Variants in PLEKHM3 observed in about 807,000 individuals in gnomAD.
PLEKHM3 encodes pleckstrin homology domain containing M3, also known as pleckstrin homology domain-containing family M member 3.
In PLEKHM3, 45 loss-of-function variants were observed where a neutral mutation model predicts 81.8. The observed-to-expected ratio is 0.55, with a 90% confidence interval of 0.43 to 0.71. PLEKHM3 has a LOEUF of 0.71. Among genes scored for constraint, PLEKHM3 ranks in the 30% least tolerant of loss-of-function variants. PLEKHM3 has a pLI of 0.00. For missense variants in PLEKHM3, 788 were observed against 924.3 expected, an observed-to-expected ratio of 0.85 and a Z score of 1.91; for synonymous variants, 352 against 356.4, an observed-to-expected ratio of 0.99 and a Z score of 0.14.
intron 5 of PLEKHM3, among the ~76,000 whole-genome samples, chr2:207,925,201 T>C (rs571094382): frequency 9.9e-5 from 15 of 151,732 alleles, no homozygotes; most frequent in Middle Eastern, 6.8e-3. Flanking sequence ...ATGACATTAA[T>C]TAAATATGCT....
At chr2:207,959,827 T>C (rs1034631425) in intron 3 of PLEKHM3, among the ~76,000 whole-genome samples, 25 of 152,222 alleles carry the variant, frequency 1.6e-4, no homozygotes, top group Admixed American at 6.5e-5. Flanking sequence ...ATTACTTTCA[T>C]CAGCTTCCTT....
chr2:207,920,850 C>T (rs537030518), intron 5 of PLEKHM3, among the ~76,000 whole-genome samples: 1 of 152,252 alleles, frequency 6.6e-6, no homozygotes, highest in East Asian at 1.9e-4. Flanking sequence ...AATGCATTTG[C>T]TAGCACTAAC....
At chr2:207,954,170 G>A (rs977533237) in intron 3 of PLEKHM3, among the ~76,000 whole-genome samples, 1 of 152,082 alleles carries the variant, frequency 6.6e-6, no homozygotes, top group African/African-American at 2.4e-5. Flanking sequence ...TTGGGCAATA[G>A]AGTGAGGCCC....
At chr2:207,937,191 C>T (rs1459624138) in intron 4 of PLEKHM3, among the ~76,000 whole-genome samples, 3 of 152,092 alleles carry the variant, frequency 2.0e-5, no homozygotes, top group African/African-American at 7.2e-5. Context: ...TATAGCAGTG[C>T]AAGGCATTTA....
At chr2:207,981,873 A>G (rs75688155) in intron 2 of PLEKHM3, among the ~76,000 whole-genome samples, 4,537 of 152,334 alleles carry the variant, frequency 0.03, 209 homozygotes, top group African/African-American at 0.099. Context: ...TAATGAAGTG[A>G]AAGTGTTTGA....
chr2:207,996,983 T>C (rs1254744149), intron 2 of PLEKHM3, among the ~76,000 whole-genome samples: 24 of 148,574 alleles, frequency 1.6e-4, no homozygotes, highest in Non-Finnish European at 1.5e-5. Context: ...AGGTCAGTAC[T>C]ACCATTACCT....
intron 7 of PLEKHM3, among the ~76,000 whole-genome samples, chr2:207,845,406 C>T (rs2092377033): frequency 6.6e-6 from 1 of 152,188 alleles, no homozygotes; most frequent in Non-Finnish European, 1.5e-5. Flanking sequence ...CTTCTCTTCC[C>T]TATTGTGTGT....
At chr2:207,966,870 T>C (rs913186249) in intron 3 of PLEKHM3, among the ~76,000 whole-genome samples, 1 of 152,166 alleles carries the variant, frequency 6.6e-6, no homozygotes. Flanking sequence ...TGTGTATTCT[T>C]AAAGAACAGC....
intron 6 of PLEKHM3, among the ~76,000 whole-genome samples, chr2:207,880,423 A>AC (rs1451867955): frequency 6.8e-6 from 1 of 147,178 alleles, no homozygotes; most frequent in Admixed American, 6.8e-5. Flanking sequence ...AAAAAAAAAA[A>AC]CGCAAATTGA....
intron 4 of PLEKHM3, among the ~76,000 whole-genome samples, chr2:207,935,582 A>T (rs1440171373): frequency 6.6e-6 from 1 of 152,226 alleles, no homozygotes. Flanking sequence ...CATGGAATAC[A>T]CTTTGAGAAA....
At chr2:208,015,768 G>A (rs1014999837) in intron 1 of PLEKHM3, among the ~76,000 whole-genome samples, 14 of 152,184 alleles carry the variant, frequency 9.2e-5, no homozygotes, top group African/African-American at 3.1e-4. Context: ...CCAATAAATA[G>A]AAACACTTGT....
intron 4 of PLEKHM3, among the ~76,000 whole-genome samples, chr2:207,942,628 C>G (rs992607012): frequency 6.6e-6 from 1 of 152,068 alleles, no homozygotes; most frequent in African/African-American, 2.4e-5. Context: ...CAGCTCGGCC[C>G]GGTGGCTCAC....
intron 2 of PLEKHM3, among the ~76,000 whole-genome samples, chr2:207,983,758 A>T (rs1396694972): frequency 6.6e-6 from 1 of 152,230 alleles, no homozygotes; most frequent in Non-Finnish European, 1.5e-5. Context: ...GAAGAGGAAG[A>T]AGGGAATTTT....
intron 7 of PLEKHM3, among the ~76,000 whole-genome samples, chr2:207,854,068 C>A (rs368997117): frequency 6.8e-6 from 1 of 146,236 alleles, no homozygotes; most frequent in Non-Finnish European, 1.5e-5. Flanking sequence ...TGAGCCACCA[C>A]GCCCAGCCCT....
intron 1 of PLEKHM3, among the ~76,000 whole-genome samples, chr2:208,004,669 A>G (rs1042748521): frequency 6.6e-6 from 1 of 152,092 alleles, no homozygotes; most frequent in Non-Finnish European, 1.5e-5. Context: ...CTTCCCCCAG[A>G]TACCCCAACA....
At chr2:207,923,905 A>ATATATATATATATTTTTT (rs1396762429) in intron 5 of PLEKHM3, among the ~76,000 whole-genome samples, 6 of 28,336 alleles carry the variant, frequency 2.1e-4, no homozygotes, top group Non-Finnish European at 3.9e-4. Flanking sequence ...ATATATATAT[A>ATATATATATATATTTTTT]TTTTTTTTTT....
At chr2:207,933,330 C>T (rs112839761) in intron 4 of PLEKHM3, among the ~76,000 whole-genome samples, 50 of 152,236 alleles carry the variant, frequency 3.3e-4, no homozygotes, top group African/African-American at 1.2e-3. Context: ...TAATAGCCCA[C>T]AGTTCAGTGG....
chr2:207,932,925 TA>T (rs1395918478), intron 4 of PLEKHM3, among the ~76,000 whole-genome samples: 1 of 152,210 alleles, frequency 6.6e-6, no homozygotes, highest in African/African-American at 2.4e-5. Context: ...TACATAAACA[TA>T]AAATTCAATA....
intron 6 of PLEKHM3, among the ~76,000 whole-genome samples, chr2:207,889,153 C>T (rs1687971657): frequency 6.6e-6 from 1 of 152,148 alleles, no homozygotes; most frequent in African/African-American, 2.4e-5. Context: ...AGAAAAATCT[C>T]CCCATACATT....
Sources: allele counts gnomAD v4.1 joint callset (sites outside exome capture counted in the v4.1 genomes callset), GRCh38; gene constraint gnomAD v4.1.1; transcripts MANE v1.5; gene names NCBI Gene and HGNC (gene_info 2026-07-23, HGNC 2026-07-21).